Variants in ARMCX1 observed in about 807,000 individuals in gnomAD.
The protein encoded by ARMCX1 is armadillo repeat-containing X-linked protein 1.
Under a neutral mutation model 15.4 loss-of-function variants are expected in ARMCX1, and 4 were observed. The observed-to-expected ratio is 0.26, with a 90% CI of 0.13 to 0.59. The LOEUF (loss-of-function observed/expected upper bound fraction) is 0.59. Ranked by LOEUF, ARMCX1 falls within the 20% of genes least tolerant of loss-of-function variation. The pLI is 0.89. For missense variants in ARMCX1, 273 were observed against 337.1 expected, an observed-to-expected ratio of 0.81 and a Z score of 1.49; for synonymous variants, 144 against 130.5, an observed-to-expected ratio of 1.10 and a Z score of -0.71.
Position 101,554,174 on chromosome X carries a change from G to C in ARMCX1, c.1244G>C (p.Ser415Thr). 8.3e-7 allele frequency: 1 copy of C among 1,210,629 alleles called. No individual in the cohort carries two copies. The highest frequency in any genetic ancestry group is 1.1e-6 in the Non-Finnish European group (1 of 895,058). The change falls in exon 4 of 4, where the codon AGT becomes ACT. Residue 415 changes from serine to threonine, a missense_variant. Transcript: ENST00000372829. ...LASSRKEFSRSSLFFLFKESG... is the reference protein window; with the variant it reads ...LASSRKEFSRTSLFFLFKESG... ...TCATCCAGGAAAGAATTCAGCAGAA[G>C]TTCACTTTTTTTCTTATTCAAAGAG... is the stretch of plus-strand genomic sequence containing the variant.
rs1206504651 is a variant in ARMCX1 at position 101,554,682 on chromosome X, A to C, written c.*390A>C. The C allele has an allele frequency of 1.3e-5, 1 of 77,441 alleles. No individual in the cohort carries two copies. The highest frequency in any genetic ancestry group is 2.7e-5 in the Non-Finnish European group (1 of 36,973). The allele number at this position is 77,441 out of a possible 1,213,427, so 6.4% of individuals were successfully genotyped here. A position where few individuals can be genotyped will look rare whatever the true frequency, so the allele number is the denominator to read the frequency against. ...TGTTTCATCAATAAAGTTGTGTTTT[A>C]AGCAGCAGAAAAAAAAAAGACGTTG... On this transcript the variant is annotated 3_prime_UTR_variant, in exon 4 of 4. Transcript: ENST00000372829.
At position 101,551,005 on chromosome X, in the gene ARMCX1, T is replaced by A. The variant is rs1413783647; in HGVS notation, c.-207T>A. 9.0e-6 allele frequency: 1 copy of A among 111,235 alleles called. No individual in the cohort carries two copies. The highest frequency in any genetic ancestry group is 1.9e-5 in the Non-Finnish European group (1 of 53,057). The allele number at this position is 111,235 out of a possible 1,213,427, so 9.2% of individuals were successfully genotyped here. On this transcript the variant is annotated 5_prime_UTR_variant, in exon 2 of 4. Coordinates refer to ENST00000372829, the MANE Select transcript of ARMCX1 (RefSeq NM_016608.2). Reference sequence around the variant, plus strand: ...GTGCCATTTGGGAACAAAGGAATAGTCTGCCTGGAATCCCTGCAGGTCAGT... The same window carrying A: ...GTGCCATTTGGGAACAAAGGAATAGACTGCCTGGAATCCCTGCAGGTCAGT...
In ARMCX1 at chrX:101,553,516, T is replaced by C. The variant is rs1569358565; in HGVS notation, c.586T>C (p.Tyr196His). 7.4e-6 allele frequency: 9 copies of C among 1,211,272 alleles called. No individual in the cohort carries two copies. Among genetic ancestry groups the C allele is most frequent in the Non-Finnish European group, 1.0e-5 (9 of 895,244 alleles). ...CCGGAGAGGCAAGTTCAACTTTCCT[T>C]ATAAAATTGATGATATTCTGAGTGC... ...PVRRGKFNFP[Y>H]KIDDILSAPD... The change falls in exon 4 of 4, where the codon TAT becomes CAT. Residue 196 changes from tyrosine (Y) to histidine (H), a missense_variant. Coordinates refer to ENST00000372829, the MANE Select transcript of ARMCX1 (RefSeq NM_016608.2).
At position 101,554,538 on chromosome X, in the gene ARMCX1, C is replaced by G; in HGVS notation, c.*246C>G. ...CACAGAAAGAATTTATTGATTTGAT[C>G]TTATTACCTAGATTGAGATTTTTTA... On this transcript the variant is annotated 3_prime_UTR_variant, in exon 4 of 4. Coordinates refer to ENST00000372829, the MANE Select transcript of ARMCX1 (RefSeq NM_016608.2). 1 of 287,303 alleles carries G rather than the reference C, an allele frequency of 3.5e-6. No individual in the cohort carries two copies. The highest frequency in any genetic ancestry group is 6.3e-6 in the Non-Finnish European group (1 of 159,308). The allele number at this position is 287,303 out of a possible 1,213,427, so 23.7% of individuals were successfully genotyped here.
In ARMCX1 at chrX:101,553,896, A is replaced by T; in HGVS notation, c.966A>T (p.Gln322His). The T allele has an allele frequency of 9.1e-6, 11 of 1,211,720 alleles. No homozygotes were observed. The highest frequency in any genetic ancestry group is 1.2e-5 in the Non-Finnish European group (11 of 895,489). The stretch of plus-strand genomic sequence containing the variant: ...ACATGACTGTGACTAATCATTACCA[A>T]CATTTGCTTTCCTATTCTTTTCCAG... ...LTNMTVTNHYQHLLSYSFPDF... is the reference protein window; with the variant it reads ...LTNMTVTNHYHHLLSYSFPDF... Residue 322 changes from glutamine (Q) to histidine (H), a missense_variant, in exon 4 of 4, where the codon CAA (glutamine) becomes CAT (histidine). Physicochemically the swap from Gln to His is conservative, Grantham distance 24. Coordinates refer to ENST00000372829, the MANE Select transcript of ARMCX1 (RefSeq NM_016608.2).
At position 101,553,729 on chromosome X, in the gene ARMCX1, A is replaced by G. The variant is rs1935407513; in HGVS notation, c.799A>G (p.Thr267Ala). Residue 267 changes from threonine to alanine, a missense_variant, in exon 4 of 4, where the codon ACT becomes GCT. Coordinates refer to ENST00000372829, the MANE Select transcript of ARMCX1 (RefSeq NM_016608.2). ...KTKDPIIREKTYNALNNLSVN... is the reference protein window; with the variant it reads ...KTKDPIIREKAYNALNNLSVN... ...AAAAGACCCCATAATTAGGGAAAAGACTTACAATGCCCTTAATAACTTGAG... is the reference window on the plus strand; with the variant it reads ...AAAAGACCCCATAATTAGGGAAAAGGCTTACAATGCCCTTAATAACTTGAG... The G allele has an allele frequency of 8.3e-7, 1 of 1,209,298 alleles. No homozygotes were observed. Among genetic ancestry groups the G allele is most frequent in the Non-Finnish European group, 1.1e-6 (1 of 894,930 alleles).
chrX:101,552,119 T>C (rs1935388033), intron 3 of ARMCX1, among the ~76,000 whole-genome samples: 1 of 109,645 alleles, frequency 9.1e-6, no homozygotes, highest in Non-Finnish European at 1.9e-5. Context: ...GTACGGCTTT[T>C]AGATATTCTC....
At position 101,554,318 on chromosome X, in the gene ARMCX1, G is replaced by C. The variant is rs1935412936; in HGVS notation, c.*26G>C. The stretch of plus-strand genomic sequence containing the variant: ...TTTGGAGTCTGTCCCAAACAATATT[G>C]AGATATTTGCAGTTGGTACGATGTG... On this transcript the variant is annotated 3_prime_UTR_variant, in exon 4 of 4. Coordinates refer to ENST00000372829, the MANE Select transcript of ARMCX1 (RefSeq NM_016608.2). The C allele has an allele frequency of 2.6e-6, 3 of 1,142,354 alleles. No individual in the cohort carries two copies. Among genetic ancestry groups the C allele is most frequent in the African/African-American group, 3.6e-5 (2 of 55,162 alleles). 94.1% of individuals were successfully genotyped at this position (1,142,354 alleles called of 1,213,427 possible).
In ARMCX1 at chrX:101,554,097, C is replaced by T; in HGVS notation, c.1167C>T (p.Ile389=). ...KEWDREILLN[I]LTLFENINDN... is the part of the protein sequence containing the mutation. ...GGGATAGAGAGATTCTTCTTAATAT[C>T]CTTACCCTATTTGAGAATATAAATG... The change falls in exon 4 of 4, where the codon ATC becomes ATT. Residue 389 remains isoleucine (I), a synonymous_variant. Transcript: ENST00000372829. The T allele has an allele frequency of 1.7e-6, 2 of 1,207,868 alleles. No homozygotes were observed. The highest frequency in any genetic ancestry group is 2.2e-6 in the Non-Finnish European group (2 of 893,138).
At chrX:101,552,503 C>T (rs1935393212) in intron 3 of ARMCX1, among the ~76,000 whole-genome samples, 1 of 111,204 alleles carries the variant, frequency 9.0e-6, no homozygotes, top group African/African-American at 3.3e-5. Context: ...ACTGCCTGGA[C>T]CTCTGTGGGT....
chrX:101,551,995 G>A (rs1264999632), intron 3 of ARMCX1, among the ~76,000 whole-genome samples: 3 of 76,665 alleles, frequency 3.9e-5, no homozygotes, highest in African/African-American at 5.1e-5. Context: ...AGCAGAGGTA[G>A]TTGGTATAAT....
rs980514412 is a variant in ARMCX1, at chrX:101,550,670, T to C, written c.-242+10T>C. ...GCCTGGATCCCAGCAGGTTTGTGTG[T>C]GGATGGGCGTTGCCAGGGGATCCCT... On this transcript the variant is annotated intron_variant, in intron 1 of 3. Coordinates refer to ENST00000372829, the MANE Select transcript of ARMCX1 (RefSeq NM_016608.2). 8.9e-6 allele frequency: 1 copy of C among 112,204 alleles called. No homozygotes were observed. Among genetic ancestry groups the C allele is most frequent in the African/African-American group, 3.2e-5 (1 of 30,820 alleles). 9.2% of individuals were successfully genotyped at this position (112,204 alleles called of 1,213,427 possible).
At position 101,553,382 on chromosome X, in the gene ARMCX1, G is replaced by C. The variant is rs782240717; in HGVS notation, c.452G>C (p.Gly151Ala). The C allele has an allele frequency of 2.5e-6, 3 of 1,187,716 alleles. No individual in the cohort carries two copies. In the African/African-American group the frequency reaches 5.3e-5, roughly 21 times the overall value. Residue 151 changes from glycine (G) to alanine (A), a missense_variant, in exon 4 of 4, where the codon GGC (glycine) becomes GCC (alanine). Gly to Ala is a moderately conservative substitution (Grantham distance 60, BLOSUM62 0). Around this residue, in one of 2 missense-constraint regions of ARMCX1, gnomAD observed 147 missense variants for 143.5 expected, o/e 1.02. Coordinates refer to ENST00000372829, the MANE Select transcript of ARMCX1 (RefSeq NM_016608.2). Reference sequence around the variant, plus strand: ...CCCTGCCCAGGAGGCAGGGGTGGAGGCTGCCACCCCACCAGGAGTGGATCT... The same window carrying C: ...CCCTGCCCAGGAGGCAGGGGTGGAGCCTGCCACCCCACCAGGAGTGGATCT... ...SLPCPGGRGG[G>A]CHPTRSGSRA... is the part of the protein sequence containing the mutation.
Position 101,553,436 on chromosome X carries a change from C to A in ARMCX1, c.506C>A (p.Ser169Tyr), listed in dbSNP as rs782103040. The change falls in exon 4 of 4, where the codon TCC becomes TAC. Residue 169 changes from serine to tyrosine, a missense_variant. Physicochemically the swap from Ser to Tyr is moderately radical, Grantham distance 144. Around this residue, in one of 2 missense-constraint regions of ARMCX1, gnomAD observed 147 missense variants for 143.5 expected, o/e 1.02. Transcript: ENST00000372829. ...SRAGGRASGKSKGKARSKSTR... is the reference protein window; with the variant it reads ...SRAGGRASGKYKGKARSKSTR... ...GCCGGGGGCAGGGCAAGTGGAAAAT[C>A]CAAGGGAAAGGCCCGAAGTAAGAGC... 41 of 1,198,486 alleles carry A rather than the reference C, an allele frequency of 3.4e-5. No homozygotes were observed. Among genetic ancestry groups the A allele is most frequent in the Middle Eastern group, 2.3e-4 (1 of 4,305 alleles).
intron 3 of ARMCX1, among the ~76,000 whole-genome samples, chrX:101,551,871 G>A (rs1057416244): frequency 3.7e-5 from 4 of 109,011 alleles, no homozygotes; most frequent in African/African-American, 1.3e-4. Context: ...ACTGTTTGGG[G>A]TACAGGGTCC....
chrX:101,552,175 C>T (rs1457777128), intron 3 of ARMCX1, among the ~76,000 whole-genome samples: 1 of 110,076 alleles, frequency 9.1e-6, no homozygotes, highest in African/African-American at 3.3e-5. Flanking sequence ...AAATGTGTGG[C>T]GACATCTTCG....
rs782071928 is a variant in ARMCX1 at position 101,553,116 on chromosome X, T to G, written c.186T>G (p.Ala62=). 2 of 1,209,627 alleles carry G rather than the reference T, an allele frequency of 1.7e-6. No individual in the cohort carries two copies. The highest frequency in any genetic ancestry group is 2.2e-6 in the Non-Finnish European group (2 of 895,079). Residue 62 remains alanine (A), a synonymous_variant, in exon 4 of 4, where the codon GCT becomes GCG. Coordinates refer to ENST00000372829, the MANE Select transcript of ARMCX1 (RefSeq NM_016608.2). ...CTGTGAAAGGAGCTAAAACTAACGC[T>G]GGGGCAGGGTCTGGGGCCAAACTTC... is the stretch of plus-strand genomic sequence containing the variant. ...VETVKGAKTN[A]GAGSGAKLQG...
chrX:101,552,124 A>T (rs1455545083), intron 3 of ARMCX1, among the ~76,000 whole-genome samples: 1 of 109,112 alleles, frequency 9.2e-6, no homozygotes, highest in Non-Finnish European at 1.9e-5. Context: ...GCTTTTAGAT[A>T]TTCTCACTTC....
chrX:101,553,931 C>T lies in ARMCX1; in HGVS notation c.1001C>T (p.Ala334Val). 8.3e-7 allele frequency: 1 copy of T among 1,210,366 alleles called. No individual in the cohort carries two copies. The highest frequency in any genetic ancestry group is 2.2e-5 in the Admixed American group (1 of 45,874). ...LLSYSFPDFF[A>V]LLFLGNHFTK... The stretch of plus-strand genomic sequence containing the variant: ...TCCTATTCTTTTCCAGACTTTTTTG[C>T]TTTGTTATTCCTGGGAAATCACTTC... The change falls in exon 4 of 4, where the codon GCT (alanine) becomes GTT (valine). Residue 334 changes from alanine (A) to valine (V), a missense_variant. Physicochemically the swap from Ala to Val is moderately conservative, Grantham distance 64. Coordinates refer to ENST00000372829, the MANE Select transcript of ARMCX1 (RefSeq NM_016608.2).
Sources: allele counts gnomAD v4.1 joint callset (sites outside exome capture counted in the v4.1 genomes callset), GRCh38; gene constraint gnomAD v4.1.1; regional missense constraint gnomAD v4.1.1; transcripts MANE v1.5; gene names NCBI Gene and HGNC (gene_info 2026-07-23, HGNC 2026-07-21).